Variants in BACH1 observed in about 807,000 individuals in gnomAD.
The protein encoded by BACH1 is transcription regulator protein BACH1.
Under a neutral mutation model 52.9 loss-of-function variants are expected in BACH1, and 35 were observed. That is an observed-to-expected ratio of 0.66 (90% CI 0.51 to 0.88). The LOEUF is 0.88. BACH1 is among the 40% of genes least tolerant of loss of function. The probability of loss-of-function intolerance (pLI) is 0.00; values close to 1 mark genes in which losing one functional copy is unlikely to be tolerated. For missense variants in BACH1, 808 were observed against 872.6 expected (o/e 0.93, Z 0.93); for synonymous variants, 321 against 319.6 (o/e 1.00, Z -0.05).
chr21:29,333,181 G>A (rs933185079), intron 4 of BACH1, among the ~76,000 whole-genome samples: 2 of 152,202 alleles, frequency 1.3e-5, no homozygotes, highest in Admixed American at 6.5e-5. Context: ...AAGCTGGCCC[G>A]TCTAGAAGGA....
chr21:29,327,358 A>T lies in BACH1; in HGVS notation c.1534A>T (p.Ser512Cys), dbSNP rs367693467. ...DDSETDTEGD[S>C]ESCSAREQEC... ...CTCTGAGACGGACACCGAAGGAGAC[A>T]GTGAATCCTGTTCAGCCAGAGAACA... The change falls in exon 3 of 5, where the codon AGT becomes TGT. Residue 512 changes from serine to cysteine, a missense_variant. Ser to Cys is a moderately radical substitution (Grantham distance 112). Transcript: ENST00000286800. 7.1e-5 allele frequency: 114 copies of T among 1,613,936 alleles called. No individual in the cohort carries two copies. The highest frequency in any genetic ancestry group is 3.3e-4 in the Middle Eastern group (2 of 6,082).
intron 2 of BACH1, among the ~76,000 whole-genome samples, chr21:29,323,300 AAGGAAGCT>A (rs1441995370): frequency 6.6e-6 from 1 of 152,156 alleles, no homozygotes; most frequent in Non-Finnish European, 1.5e-5. Flanking sequence ...GCTGAGGAGG[AAGGAAGCT>A]AGTAGTGGCC....
At chr21:29,342,013 T>A (rs2089119094) in intron 4 of BACH1, among the ~76,000 whole-genome samples, 1 of 152,244 alleles carries the variant, frequency 6.6e-6, no homozygotes, top group Non-Finnish European at 1.5e-5. Flanking sequence ...CAAACTCTTT[T>A]GACCGAAAAA....
chr21:29,360,573 A>G (rs557857107), intron 2 of BACH1, among the ~76,000 whole-genome samples: 109 of 152,188 alleles, frequency 7.2e-4, no homozygotes, highest in African/African-American at 2.6e-3. Flanking sequence ...GGCCAGGCGC[A>G]GTGGCTCACG....
intron 2 of BACH1, among the ~76,000 whole-genome samples, chr21:29,358,744 AAAAAGAAAAGAAAAG>A (rs758608393): frequency 2.3e-3 from 323 of 139,722 alleles, no homozygotes; most frequent in African/African-American, 8.4e-3. Flanking sequence ...TGTCTCAGAA[AAAAAGAAAAGAAAAG>A]AAAAGAAAAG....
rs1238676162 is a variant in BACH1 at position 29,326,396 on chromosome 21, GA to G, written c.575del (p.Asn192MetfsTer21). 6.2e-7 allele frequency: 1 copy of G among 1,614,164 alleles called. No individual in the cohort carries two copies. The highest frequency in any genetic ancestry group is 1.3e-5 in the African/African-American group (1 of 75,060). ...CAGTGTAAACTCCGCAGGTATCAAG[GA>G]AATGCAAAAGCCTCACCTCCTCTAC... is the stretch of plus-strand genomic sequence containing the variant. ...TPQCKLRRYQ[G>X]NAKASPPLQD... On this transcript the variant is annotated frameshift_variant, in exon 3 of 5. Transcript: ENST00000286800. LOFTEE classifies it high-confidence loss of function.
At chr21:29,338,623 C>T (rs1769611944) in intron 4 of BACH1, among the ~76,000 whole-genome samples, 1 of 152,156 alleles carries the variant, frequency 6.6e-6, no homozygotes. Flanking sequence ...CCTGCCTTGG[C>T]CTCCCAAAGT....
intron 1 of BACH1, among the ~76,000 whole-genome samples, chr21:29,316,626 G>A (rs1038206779): frequency 1.3e-5 from 2 of 152,222 alleles, no homozygotes; most frequent in Non-Finnish European, 1.5e-5. Flanking sequence ...TAGTTGTTAC[G>A]TAGTTATTGG....
intron 2 of BACH1, among the ~76,000 whole-genome samples, chr21:29,353,008 C>G (rs1296047548): frequency 6.6e-6 from 1 of 152,040 alleles, no homozygotes; most frequent in Admixed American, 6.6e-5. Context: ...CCACTGTGTC[C>G]AGCCTAATTT....
At chr21:29,340,771 G>A (rs2089101911) in intron 4 of BACH1, among the ~76,000 whole-genome samples, 1 of 152,080 alleles carries the variant, frequency 6.6e-6, no homozygotes, top group Non-Finnish European at 1.5e-5. Flanking sequence ...ACCATAAAAA[G>A]AAATGGGTGT....
At chr21:29,323,458 T>C (rs1484426455) in intron 2 of BACH1, among the ~76,000 whole-genome samples, 9 of 152,086 alleles carry the variant, frequency 5.9e-5, no homozygotes, top group Admixed American at 2.0e-4. Flanking sequence ...GCGTCTGATG[T>C]CAAGGGCAGG....
At chr21:29,360,786 AG>A (rs2089266395) in intron 2 of BACH1, among the ~76,000 whole-genome samples, 1 of 149,692 alleles carries the variant, frequency 6.7e-6, no homozygotes, top group Non-Finnish European at 1.5e-5. Flanking sequence ...TGGAGGTTGC[AG>A]TGAGCTGAGA....
Position 29,326,292 on chromosome 21 carries a change from A to G in BACH1, c.468A>G (p.Lys156=), listed in dbSNP as rs753880489. Residue 156 remains lysine (K), a synonymous_variant, in exon 3 of 5, where the codon AAA becomes AAG. Transcript: ENST00000286800. ...FSSHCQKTDL[K]LSLLDQRDLE... ...CACACTGTCAGAAAACAGACCTTAA[A>G]CTTTCACTTTTGGACCAGAGGGATC... is the stretch of plus-strand genomic sequence containing the variant. The G allele has an allele frequency of 2.0e-5, 32 of 1,614,054 alleles. No homozygotes were observed. Among genetic ancestry groups the G allele is most frequent in the Admixed American group, 3.3e-5 (2 of 59,982 alleles).
chr21:29,300,212 G>GA lies in BACH1; in HGVS notation c.-61+1260dup, dbSNP rs919761475. 7 of 152,204 alleles carry GA rather than the reference G, an allele frequency of 4.6e-5. No homozygotes were observed. In the East Asian group the frequency reaches 1.3e-3, roughly 29 times the overall value. 9.4% of individuals were successfully genotyped at this position (152,204 alleles called of 1,614,324 possible). ...TGGAGTAGGGTGACTTTGGCGTAGTGATTCTTGTATTGTTGTTTAACCTAT... is the reference window on the plus strand; with the variant it reads ...TGGAGTAGGGTGACTTTGGCGTAGTGAATTCTTGTATTGTTGTTTAACCTAT... On this transcript the variant is annotated intron_variant, in intron 1 of 4. Coordinates refer to ENST00000286800, the MANE Select transcript of BACH1 (RefSeq NM_001186.4).
At chr21:29,307,623 TTTA>T (rs1460645813) in intron 1 of BACH1, among the ~76,000 whole-genome samples, 1 of 152,212 alleles carries the variant, frequency 6.6e-6, no homozygotes, top group African/African-American at 2.4e-5. Context: ...ATTGTTGTAT[TTTA>T]TTATTGTTAA....
downstream of BACH1, among the ~76,000 whole-genome samples, chr21:29,350,877 A>G (rs2089198291): frequency 6.6e-6 from 1 of 152,198 alleles, no homozygotes; most frequent in Non-Finnish European, 1.5e-5. Context: ...ATACCCCAGA[A>G]GAGGAGCAGA....
chr21:29,306,846 G>T (rs1404786858), intron 1 of BACH1, among the ~76,000 whole-genome samples: 1 of 151,708 alleles, frequency 6.6e-6, no homozygotes, highest in Non-Finnish European at 1.5e-5. Flanking sequence ...CAAATCAATG[G>T]TTTATTTAAA....
intron 1 of BACH1, among the ~76,000 whole-genome samples, chr21:29,313,357 TAC>T (rs2088749711): frequency 6.6e-6 from 1 of 152,254 alleles, no homozygotes; most frequent in African/African-American, 2.4e-5. Flanking sequence ...GATAAAATGA[TAC>T]AGTCACTTTG....
rs542344508 is a variant in BACH1 at position 29,327,835 on chromosome 21, A to C, written c.1569+442A>C. ...GACTGTCTCAAAAAATTTTTTAAAA[A>C]CACTGTGTGATAAATACCAAAAGAG... On this transcript the variant is annotated intron_variant, in intron 3 of 4. Coordinates refer to ENST00000286800, the MANE Select transcript of BACH1 (RefSeq NM_001186.4). Among the ~76,000 whole-genome samples, 192 of 152,208 alleles carry C rather than the reference A, an allele frequency of 1.3e-3. 3 individuals are homozygous for C. Among genetic ancestry groups the C allele is most frequent in the Non-Finnish European group, 1.8e-3 (124 of 68,034 alleles).
Sources: allele counts gnomAD v4.1 joint callset (sites outside exome capture counted in the v4.1 genomes callset), GRCh38; gene constraint gnomAD v4.1.1; transcripts MANE v1.5; gene names NCBI Gene and HGNC (gene_info 2026-07-23, HGNC 2026-07-21).